CDA: variants seen among roughly 807,000 people sequenced by gnomAD.
The protein encoded by CDA is cytidine deaminase.
In CDA, 7 loss-of-function variants were observed where a neutral mutation model predicts 15.0. The observed-to-expected ratio is 0.47, with a 90% CI of 0.26 to 0.87. The LOEUF is 0.87. CDA is among the 40% of genes least tolerant of loss of function. The probability of loss-of-function intolerance (pLI) is 0.15; values close to 1 mark genes in which losing one functional copy is unlikely to be tolerated. For missense variants in CDA, 159 were observed against 182.7 expected (o/e 0.87, Z 0.75); for synonymous variants, 58 against 73.0 (o/e 0.79, Z 1.05).
intron 1 of CDA, among the ~76,000 whole-genome samples, chr1:20,589,849 G>A (rs1387173164): frequency 2.6e-5 from 4 of 152,168 alleles, no homozygotes; most frequent in Non-Finnish European, 5.9e-5. Flanking sequence ...GTGTTTGTCG[G>A]GGGTGGTCGG....
intron 3 of CDA, among the ~76,000 whole-genome samples, chr1:20,615,130 G>GA (rs2052789660): frequency 6.6e-6 from 1 of 152,052 alleles, no homozygotes; most frequent in Non-Finnish European, 1.5e-5. Context: ...AAAGTGCTGG[G>GA]ATTACAGGCG....
At chr1:20,618,118 G>A (rs1483042349) in intron 3 of CDA, among the ~76,000 whole-genome samples, 1 of 151,670 alleles carries the variant, frequency 6.6e-6, no homozygotes, top group Non-Finnish European at 1.5e-5. Flanking sequence ...GAGGTGTAAA[G>A]GGGATACTGA....
intron 3 of CDA, among the ~76,000 whole-genome samples, chr1:20,616,326 T>G (rs1373821626): frequency 6.6e-6 from 1 of 152,098 alleles, no homozygotes; most frequent in Admixed American, 6.6e-5. Flanking sequence ...GGAGTTGTGT[T>G]TTGGGAGAAA....
chr1:20,591,436 C>T (rs148075040), intron 1 of CDA, among the ~76,000 whole-genome samples: 23 of 152,342 alleles, frequency 1.5e-4, no homozygotes, highest in African/African-American at 4.8e-4. Context: ...GAAGTCCACA[C>T]CTCTGTCACC....
At chr1:20,609,354 C>T (rs1167583163) in intron 2 of CDA, among the ~76,000 whole-genome samples, 9 of 152,262 alleles carry the variant, frequency 5.9e-5, no homozygotes, top group African/African-American at 9.6e-5. Context: ...GGCGTGGTGG[C>T]GGGCACCTGT....
At chr1:20,597,676 TA>T (rs1259002510) in intron 1 of CDA, among the ~76,000 whole-genome samples, 5 of 152,212 alleles carry the variant, frequency 3.3e-5, no homozygotes, top group African/African-American at 1.2e-4. Flanking sequence ...ATCGTAGTAT[TA>T]TTTGGTCCTA....
chr1:20,611,541 C>T lies in CDA; in HGVS notation c.267-2301C>T, dbSNP rs1039996122. Among the ~76,000 whole-genome samples, 8 of 152,114 alleles carry T rather than the reference C, an allele frequency of 5.3e-5. No individual in the cohort carries two copies. In the South Asian group the frequency reaches 1.7e-3, roughly 32 times the overall value. ...GACTATAGGTGTGCACCACCACACC[C>T]AGCTAATTTTTGTATTTTTAGTAGC... On this transcript the variant is annotated intron_variant, in intron 2 of 3. Coordinates refer to ENST00000375071, the MANE Select transcript of CDA (RefSeq NM_001785.3).
At chr1:20,610,259 A>AT (rs1324109187) in intron 2 of CDA, among the ~76,000 whole-genome samples, 1 of 36,920 alleles carries the variant, frequency 2.7e-5, no homozygotes, top group African/African-American at 6.2e-5. Flanking sequence ...GGCACACATT[A>AT]TCTTTTTTTT....
At chr1:20,617,372 A>G (rs1471582905) in intron 3 of CDA, among the ~76,000 whole-genome samples, 3 of 152,216 alleles carry the variant, frequency 2.0e-5, no homozygotes, top group African/African-American at 4.8e-5. Context: ...CATGTGCAGT[A>G]TCTATGTGGT....
At chr1:20,604,525 G>C (rs982092181) in intron 1 of CDA, among the ~76,000 whole-genome samples, 7 of 152,150 alleles carry the variant, frequency 4.6e-5, no homozygotes, top group African/African-American at 1.7e-4. Context: ...ATATGAATTT[G>C]ATGGGACACA....
At chr1:20,589,394 G>A (rs1261321784) in intron 1 of CDA, 111 bp downstream of exon 1, 2 of 1,054,190 alleles carry the variant, frequency 1.9e-6, no homozygotes, top group African/African-American at 3.2e-5. Flanking sequence ...GCGCGGCTCT[G>A]TCCCTTCTTC....
intron 2 of CDA, among the ~76,000 whole-genome samples, chr1:20,612,942 CAAA>C (rs35637551): frequency 3.2e-4 from 27 of 84,952 alleles, no homozygotes; most frequent in Middle Eastern, 6.3e-3. Flanking sequence ...GACTCCATCT[CAAA>C]AAAAAAAAAA....
chr1:20,607,332 C>T (rs1253260446), intron 2 of CDA, among the ~76,000 whole-genome samples: 2 of 152,128 alleles, frequency 1.3e-5, no homozygotes, highest in Admixed American at 6.6e-5. Flanking sequence ...AGAAGGGCTC[C>T]AGTATCCGAT....
At chr1:20,614,728 A>G (rs540542420) in intron 3 of CDA, among the ~76,000 whole-genome samples, 1 of 152,360 alleles carries the variant, frequency 6.6e-6, no homozygotes, top group South Asian at 2.1e-4. Context: ...CACGAGGGCT[A>G]GAGAGCTAGG....
chr1:20,612,580 C>T (rs760398365), intron 2 of CDA, among the ~76,000 whole-genome samples: 15 of 152,102 alleles, frequency 9.9e-5, no homozygotes, highest in Admixed American at 9.2e-4. Context: ...TATAAAACTG[C>T]CCCACCCTGA....
intron 1 of CDA, among the ~76,000 whole-genome samples, chr1:20,597,887 T>TA: frequency 7.7e-6 from 1 of 130,550 alleles, no homozygotes; most frequent in Non-Finnish European, 1.7e-5. Context: ...CCTTTTTTTT[T>TA]ATTTGCCTTT....
At chr1:20,589,315 C>T (rs750204708) in intron 1 of CDA, 32 bp downstream of exon 1, 1 of 1,607,888 alleles carries the variant, frequency 6.2e-7, no homozygotes. Flanking sequence ...TCCCCCAGCC[C>T]AGCAGCCTGG....
At position 20,616,372 on chromosome 1, in the gene CDA, T is replaced by C. The variant is rs115741986; in HGVS notation, c.325-2080T>C. Among the ~76,000 whole-genome samples, 1,084 of 151,538 alleles carry C rather than the reference T, an allele frequency of 7.2e-3. 13 individuals carry two copies. Among genetic ancestry groups the C allele is most frequent in the African/African-American group, 0.024 (1,002 of 41,310 alleles). ...TTAGCTTTGTTTTTGTGCCGTGGGGTTTCAAAGCATCTGGGGATGCAGACA... is the reference window on the plus strand; with the variant it reads ...TTAGCTTTGTTTTTGTGCCGTGGGGCTTCAAAGCATCTGGGGATGCAGACA... On this transcript the variant is annotated intron_variant, in intron 3 of 3. Coordinates refer to ENST00000375071, the MANE Select transcript of CDA (RefSeq NM_001785.3).
At chr1:20,590,709 T>C (rs2052539761) in intron 1 of CDA, among the ~76,000 whole-genome samples, 1 of 152,194 alleles carries the variant, frequency 6.6e-6, no homozygotes. Context: ...TCTTGAATCT[T>C]TGTGCCATTG....
Sources: allele counts gnomAD v4.1 joint callset (sites outside exome capture counted in the v4.1 genomes callset), GRCh38; gene constraint gnomAD v4.1.1; transcripts MANE v1.5; gene names NCBI Gene and HGNC (gene_info 2026-07-23, HGNC 2026-07-21).